Variants in AQP11 observed in about 807,000 individuals in gnomAD.
AQP11 encodes the protein aquaporin 11, also known as aquaporin-11.
Under a neutral mutation model 21.1 loss-of-function variants are expected in AQP11, and 20 were observed. The ratio of observed to expected loss-of-function variants is 0.95; its 90% CI spans 0.67 to 1.38. The LOEUF (loss-of-function observed/expected upper bound fraction) is 1.38. AQP11 is among the 40% of genes most tolerant of loss of function. The pLI, the probability that AQP11 is intolerant of heterozygous loss-of-function variation, is 0.00. For synonymous variants in AQP11, 167 were observed against 150.1 expected (o/e 1.11, Z -0.82); for missense variants, 339 against 340.4 (o/e 1.00, Z 0.03).
intron 1 of AQP11, among the ~76,000 whole-genome samples, chr11:77,592,786 A>G (rs1367263182): frequency 6.6e-6 from 1 of 152,174 alleles, no homozygotes; most frequent in African/African-American, 2.4e-5. Context: ...TGAGGGTACT[A>G]ATTGATGGGG....
At position 77,590,034 on chromosome 11, in the gene AQP11, C is replaced by T. The variant is rs977982622; in HGVS notation, c.42C>T (p.Thr14=). The T allele has an allele frequency of 7.0e-6, 11 of 1,562,668 alleles. No homozygotes were observed. The highest frequency in any genetic ancestry group is 1.9e-5 in the Admixed American group (1 of 51,422). ...GGCTCCGGTCCGAGCTGCAGGACAC[C>T]TGCACCTCGCTGGGACTGATGCTGT... The part of the protein sequence containing the change: ...LLGLRSELQD[T]CTSLGLMLSV... Residue 14 remains threonine (T), a synonymous_variant, in exon 1 of 3, where the codon ACC becomes ACT. Coordinates refer to ENST00000313578, the MANE Select transcript of AQP11 (RefSeq NM_173039.3).
intron 1 of AQP11, among the ~76,000 whole-genome samples, chr11:77,591,790 C>G (rs1212299130): frequency 1.3e-5 from 2 of 152,168 alleles, no homozygotes; most frequent in Non-Finnish European, 2.9e-5. Context: ...GGGAGAATTG[C>G]TGGAACCCGG....
rs1487273437 is a variant in AQP11, at chr11:77,609,352, A to C, written c.791A>C (p.Asn264Thr). The C allele has an allele frequency of 6.2e-7, 1 of 1,613,044 alleles. No homozygotes were observed. The highest frequency in any genetic ancestry group is 1.3e-5 in the African/African-American group (1 of 74,884). The change falls in exon 3 of 3, where the codon AAC (asparagine) becomes ACC (threonine). Residue 264 changes from asparagine to threonine, a missense_variant. By Grantham distance (65) the Asn-to-Thr change is moderately conservative. Transcript: ENST00000313578. ...FSFFLPWLHN[N>T]HTINKKE ...TTTTTCCTTCCATGGCTGCATAACA[A>C]CCATACAATTAATAAAAAGGAATAA...
At chr11:77,605,459 C>T (rs527533564) in intron 2 of AQP11, among the ~76,000 whole-genome samples, 19 of 152,116 alleles carry the variant, frequency 1.2e-4, no homozygotes, top group Non-Finnish European at 2.4e-4. Context: ...AACCAGGCCG[C>T]ACAGCAGGAG....
At chr11:77,592,887 C>G (rs530579725) in intron 1 of AQP11, among the ~76,000 whole-genome samples, 2 of 152,116 alleles carry the variant, frequency 1.3e-5, no homozygotes, top group South Asian at 4.1e-4. Context: ...TGTTCTGGGC[C>G]CACAGATTAA....
intron 2 of AQP11, among the ~76,000 whole-genome samples, chr11:77,605,960 C>T (rs1252343549): frequency 6.7e-6 from 1 of 149,580 alleles, no homozygotes; most frequent in Non-Finnish European, 1.5e-5. Flanking sequence ...GGAGATTCAC[C>T]TGAACTCAGG....
Position 77,590,616 on chromosome 11 carries a change from G to A in AQP11, c.619+5G>A, listed in dbSNP as rs1356224767. 6.2e-7 allele frequency: 1 copy of A among 1,608,054 alleles called. No individual in the cohort carries two copies. The highest frequency in any genetic ancestry group is 1.3e-5 in the African/African-American group (1 of 74,696). On this transcript the variant is annotated splice_donor_5th_base_variant and intron_variant, in intron 1 of 2. Transcript: ENST00000313578. ...TCACCTTTTTGGTCTATGCAGGTTT[G>A]TCATTCTCACCAAATACTTGGCACT...
chr11:77,597,549 A>C (rs1351084563), intron 1 of AQP11, among the ~76,000 whole-genome samples: 3 of 151,992 alleles, frequency 2.0e-5, no homozygotes, highest in Non-Finnish European at 4.4e-5. Context: ...TCCAGCCTGG[A>C]TGACAGAGTG....
At position 77,603,633 on chromosome 11, in the gene AQP11, C is replaced by T. The variant is rs1490916389; in HGVS notation, c.697C>T (p.Pro233Ser). The T allele has an allele frequency of 3.7e-6, 6 of 1,608,044 alleles. No homozygotes were observed. Among genetic ancestry groups the T allele is most frequent in the Non-Finnish European group, 5.1e-6 (6 of 1,177,730 alleles). ...LHFMCFDEAF[P>S]QFFIVYWLAP... ...TTTCATGTGTTTTGATGAAGCATTC[C>T]CTCAGTTTTTTATAGTATACTGGCT... The change falls in exon 2 of 3, where the codon CCT (proline) becomes TCT (serine). Residue 233 changes from proline (P) to serine (S), a missense_variant. By Grantham distance (74) the Pro-to-Ser change is moderately conservative (BLOSUM62 -1). Transcript: ENST00000313578.
intron 1 of AQP11, among the ~76,000 whole-genome samples, chr11:77,595,835 C>T (rs1241288244): frequency 6.6e-6 from 1 of 151,624 alleles, no homozygotes; most frequent in African/African-American, 2.4e-5. Flanking sequence ...GCAGGAGAAT[C>T]GCTTGAACCC....
At chr11:77,606,709 C>T (rs12365490) in intron 2 of AQP11, among the ~76,000 whole-genome samples, 1 of 152,112 alleles carries the variant, frequency 6.6e-6, no homozygotes, top group Non-Finnish European at 1.5e-5. Flanking sequence ...CCACACCCAG[C>T]TAAGTTTTGT....
Position 77,590,238 on chromosome 11 carries a change from C to T in AQP11, c.246C>T (p.Val82=), listed in dbSNP as rs1565115554. ...ACCCCACCTGGACGCTGACGCTCGTCTACTTCTTCTCGCTTGTGCATGGCC... is the reference window on the plus strand; with the variant it reads ...ACCCCACCTGGACGCTGACGCTCGTTTACTTCTTCTCGCTTGTGCATGGCC... The part of the protein sequence containing the change: ...PAHPTWTLTL[V]YFFSLVHGLT... Residue 82 remains valine (V), a synonymous_variant, in exon 1 of 3, where the codon GTC becomes GTT. Coordinates refer to ENST00000313578, the MANE Select transcript of AQP11 (RefSeq NM_173039.3). 1 of 1,596,962 alleles carries T rather than the reference C, an allele frequency of 6.3e-7. No individual in the cohort carries two copies. Among genetic ancestry groups the T allele is most frequent in the South Asian group, 1.1e-5 (1 of 88,292 alleles).
intron 1 of AQP11, 64 bp downstream of exon 1, chr11:77,590,675 T>C (rs1021552383): frequency 6.5e-7 from 1 of 1,533,716 alleles, no homozygotes; most frequent in African/African-American, 1.4e-5. Context: ...CTGTAAGTTC[T>C]TTACTAAAAT....
chr11:77,590,754 C>T, intron 1 of AQP11, 143 bp downstream of exon 1: 1 of 1,483,558 alleles, frequency 6.7e-7, no homozygotes, highest in Non-Finnish European at 8.9e-7. Context: ...CATTTTGCAG[C>T]CCGTTCTTAA....
At chr11:77,594,192 G>A (rs1267768631) in intron 1 of AQP11, among the ~76,000 whole-genome samples, 2 of 152,090 alleles carry the variant, frequency 1.3e-5, no homozygotes, top group Admixed American at 1.3e-4. Flanking sequence ...CTTAAAAATG[G>A]CTAAAATGGC....
At chr11:77,607,893 C>T (rs905382843) in intron 2 of AQP11, among the ~76,000 whole-genome samples, 1 of 151,002 alleles carries the variant, frequency 6.6e-6, no homozygotes, top group African/African-American at 2.4e-5. Flanking sequence ...GTCTTATTTT[C>T]TAGTTCTGAC....
At position 77,590,079 on chromosome 11, in the gene AQP11, G is replaced by A. The variant is rs1048430170; in HGVS notation, c.87G>A (p.Gly29=). 2 of 1,606,894 alleles carry A rather than the reference G, an allele frequency of 1.2e-6. No individual in the cohort carries two copies. Among genetic ancestry groups the A allele is most frequent in the Non-Finnish European group, 1.7e-6 (2 of 1,179,142 alleles). ...TGCTGTCGGTGGTGCTGCTCATGGG[G>A]CTGGCCCGCGTAGTCGCCCGGCAGC... ...GLMLSVVLLM[G]LARVVARQQL... The change falls in exon 1 of 3, where the codon GGG becomes GGA. Residue 29 remains glycine (G), a synonymous_variant. Coordinates refer to ENST00000313578, the MANE Select transcript of AQP11 (RefSeq NM_173039.3).
chr11:77,605,794 C>T (rs1295514740), intron 2 of AQP11, among the ~76,000 whole-genome samples: 1 of 152,128 alleles, frequency 6.6e-6, no homozygotes, highest in African/African-American at 2.4e-5. Flanking sequence ...TGCGGTGGCT[C>T]ATGCCTGTAA....
chr11:77,600,710 C>G (rs1958810402), intron 1 of AQP11, among the ~76,000 whole-genome samples: 1 of 152,132 alleles, frequency 6.6e-6, no homozygotes, highest in Non-Finnish European at 1.5e-5. Context: ...TAGTTCTTTG[C>G]TACAATAACC....
Sources: gnomAD v4.1 joint callset for allele counts (sites outside exome capture counted in the v4.1 genomes callset) on GRCh38, gnomAD v4.1.1 for gene constraint, MANE v1.5 for transcripts, NCBI Gene and HGNC (gene_info 2026-07-23, HGNC 2026-07-21) for gene names.